Variants in POFUT3 observed in about 807,000 individuals in gnomAD.
The protein encoded by POFUT3 is GDP-fucose protein O-fucosyltransferase 3.
the POFUT3 span, among the ~76,000 whole-genome samples, chr8:33,454,532 A>G: frequency 6.6e-6 from 1 of 152,200 alleles, no homozygotes; most frequent in African/African-American, 2.4e-5. Flanking sequence ...TAACATATTC[A>G]CAGGTTTCAG....
the POFUT3 span, chr8:33,455,963 A>G: frequency 3.6e-5 from 14 of 391,346 alleles, no homozygotes; most frequent in East Asian, 1.0e-3. Flanking sequence ...GTAAGAAATT[A>G]TATTGGCTTT....
chr8:33,459,409 G>GT, the POFUT3 span, among the ~76,000 whole-genome samples: 1 of 152,022 alleles, frequency 6.6e-6, no homozygotes, highest in Non-Finnish European at 1.5e-5. Context: ...AAGAAGCCAG[G>GT]TAGGCAGATC....
the POFUT3 span, among the ~76,000 whole-genome samples, chr8:33,382,071 T>A: frequency 6.6e-6 from 1 of 152,142 alleles, no homozygotes; most frequent in African/African-American, 2.4e-5. Context: ...GATGGGCACA[T>A]TGCTTGAGCT....
At chr8:33,428,818 G>A in the POFUT3 span, among the ~76,000 whole-genome samples, 45 of 152,196 alleles carry the variant, frequency 3.0e-4, no homozygotes, top group Non-Finnish European at 5.4e-4. Context: ...ATAGCAAGAA[G>A]GACCTCGCCA....
the POFUT3 span, among the ~76,000 whole-genome samples, chr8:33,467,377 A>ATTCT: frequency 1.3e-5 from 2 of 152,116 alleles, no homozygotes; most frequent in Non-Finnish European, 2.9e-5. Flanking sequence ...TTCCAGACAC[A>ATTCT]TACTGAAGCA....
the POFUT3 span, among the ~76,000 whole-genome samples, chr8:33,310,366 T>G: frequency 6.6e-6 from 1 of 152,210 alleles, no homozygotes; most frequent in African/African-American, 2.4e-5. Flanking sequence ...TCGTCTTGTT[T>G]CTCTGTCCAC....
At chr8:33,447,674 G>A in the POFUT3 span, among the ~76,000 whole-genome samples, 1 of 97,652 alleles carries the variant, frequency 1.0e-5, no homozygotes, top group Admixed American at 9.4e-5. Flanking sequence ...TCTCTAGGAA[G>A]AAGGAAAAAC....
chr8:33,457,161 A>C, the POFUT3 span, among the ~76,000 whole-genome samples: 1 of 152,214 alleles, frequency 6.6e-6, no homozygotes, highest in African/African-American at 2.4e-5. Flanking sequence ...ATTCAAACCA[A>C]CTTGGGACAG....
At chr8:33,470,072 T>C in the POFUT3 span, among the ~76,000 whole-genome samples, 6 of 151,388 alleles carry the variant, frequency 4.0e-5, no homozygotes, top group Non-Finnish European at 5.9e-5. Context: ...GGATTACAGG[T>C]GTGAGCCATG....
At chr8:33,384,914 C>A in the POFUT3 span, among the ~76,000 whole-genome samples, 3 of 152,084 alleles carry the variant, frequency 2.0e-5, no homozygotes, top group Admixed American at 2.0e-4. Flanking sequence ...AGAGAGGTAC[C>A]AAAATGGACA....
chr8:33,402,231 T>A, the POFUT3 span, among the ~76,000 whole-genome samples: 1 of 152,260 alleles, frequency 6.6e-6, no homozygotes, highest in East Asian at 1.9e-4. Flanking sequence ...AATCTCCAAA[T>A]TAATTAAATC....
the POFUT3 span, among the ~76,000 whole-genome samples, chr8:33,311,515 A>T: frequency 5.3e-5 from 8 of 152,338 alleles, no homozygotes; most frequent in South Asian, 1.5e-3. Flanking sequence ...ATACAATCCC[A>T]CTGTAGAGAA....
At chr8:33,392,910 G>A in the POFUT3 span, among the ~76,000 whole-genome samples, 2 of 152,180 alleles carry the variant, frequency 1.3e-5, no homozygotes, top group East Asian at 3.9e-4. Context: ...GAACCTGGGA[G>A]GCAGAGGTTT....
the POFUT3 span, among the ~76,000 whole-genome samples, chr8:33,426,075 T>C: frequency 2.3e-3 from 349 of 152,176 alleles, 1 homozygote; most frequent in African/African-American, 7.4e-3. Flanking sequence ...AGCTAATTTT[T>C]TGTATTTTCA....
the POFUT3 span, among the ~76,000 whole-genome samples, chr8:33,437,406 C>G: frequency 6.6e-6 from 1 of 150,792 alleles, no homozygotes; most frequent in East Asian, 2.0e-4. Context: ...AAAAAAAAAG[C>G]AGACTGCCAG....
chr8:33,360,162 C>T, the POFUT3 span, among the ~76,000 whole-genome samples: 37 of 152,078 alleles, frequency 2.4e-4, no homozygotes, highest in African/African-American at 8.4e-4. Context: ...TATCAGTAAC[C>T]GGCCAGATGT....
chr8:33,462,873 G>T, the POFUT3 span, among the ~76,000 whole-genome samples: 1 of 151,718 alleles, frequency 6.6e-6, no homozygotes, highest in Non-Finnish European at 1.5e-5. Flanking sequence ...CAAGGCTGCA[G>T]TAAGCCGTGA....
the POFUT3 span, chr8:33,453,598 C>T: frequency 5.1e-6 from 6 of 1,169,574 alleles, no homozygotes; most frequent in African/African-American, 7.7e-5. Flanking sequence ...TAGCCCCTGA[C>T]TCGTTTTCAA....
chr8:33,347,522 A>G, the POFUT3 span, among the ~76,000 whole-genome samples: 1 of 152,252 alleles, frequency 6.6e-6, no homozygotes, highest in African/African-American at 2.4e-5. Context: ...AAATTCAGAC[A>G]TATATTCAAG....
Sources: allele counts gnomAD v4.1 joint callset (sites outside exome capture counted in the v4.1 genomes callset), GRCh38; gene constraint gnomAD v4.1.1; transcripts MANE v1.5; gene names NCBI Gene and HGNC (gene_info 2026-07-23, HGNC 2026-07-21).